The following DAB1 variants were observed in gnomAD, a reference collection of about 807,000 sequenced individuals.
The protein encoded by DAB1 is disabled homolog 1.
DAB1 carries 15 observed loss-of-function variants against 64.6 expected under a neutral mutation model. The observed-to-expected ratio is 0.23, with a 90% CI of 0.16 to 0.36. The LOEUF (loss-of-function observed/expected upper bound fraction) is 0.36, where lower values mean the gene tolerates loss of function less well. Among genes scored for constraint, DAB1 ranks in the 10% least tolerant of loss-of-function variants. The pLI, the probability that DAB1 is intolerant of heterozygous loss-of-function variation, is 1.00. For missense variants in DAB1, 596 were observed against 706.7 expected, an observed-to-expected ratio of 0.84 and a Z score of 1.78; for synonymous variants, 235 against 251.9, an observed-to-expected ratio of 0.93 and a Z score of 0.64.
Position 57,015,442 on chromosome 1 carries a change from GA to G in DAB1, c.896-12del. ...CCATTGCAACGTAACCTGGGAGAAT[GA>G]AAAAGGAGAGTCAGGTGTTTCCCTG... On this transcript the variant is annotated splice_polypyrimidine_tract_variant and intron_variant, in intron 11 of 14. Transcript: ENST00000371236. 6.3e-7 allele frequency: 1 copy of G among 1,587,716 alleles called. No individual in the cohort carries two copies. Among genetic ancestry groups the G allele is most frequent in the Non-Finnish European group, 8.6e-7 (1 of 1,167,902 alleles).
chr1:57,043,571 G>T (rs1330502562), intron 9 of DAB1, among the ~76,000 whole-genome samples: 1 of 152,210 alleles, frequency 6.6e-6, no homozygotes, highest in East Asian at 1.9e-4. Flanking sequence ...ATGAGGCCGG[G>T]CGCGGCGGCT....
At chr1:58,447,858 A>AAAC (rs1553183238) in intron 3 of DAB1, among the ~76,000 whole-genome samples, 1,130 of 37,668 alleles carry the variant, frequency 0.03, 15 homozygotes, top group African/African-American at 0.09. Flanking sequence ...TGACTTAAAC[A>AAAC]AAAAAAAAAA....
intron 5 of DAB1, among the ~76,000 whole-genome samples, chr1:57,971,923 A>G (rs1285246197): frequency 1.3e-5 from 2 of 152,220 alleles, no homozygotes; most frequent in Non-Finnish European, 2.9e-5. Context: ...CATTTCCACT[A>G]CAATATCTCC....
chr1:58,408,034 G>GTGTA (rs1272962833), intron 3 of DAB1, among the ~76,000 whole-genome samples: 2 of 152,090 alleles, frequency 1.3e-5, no homozygotes, highest in Admixed American at 6.5e-5. Flanking sequence ...GGGTCTCAAC[G>GTGTA]TGTACTCCCT....
At chr1:57,804,500 C>T (rs963254676) in intron 6 of DAB1, among the ~76,000 whole-genome samples, 3 of 152,140 alleles carry the variant, frequency 2.0e-5, no homozygotes, top group Non-Finnish European at 2.9e-5. Context: ...GAACTTCTAC[C>T]CATTACCATT....
chr1:57,870,802 A>T (rs894066571), intron 1 of DAB1, among the ~76,000 whole-genome samples: 4 of 152,132 alleles, frequency 2.6e-5, no homozygotes, highest in African/African-American at 9.6e-5. Context: ...ACAGAACCAT[A>T]TCGGTTTGTA....
intron 5 of DAB1, among the ~76,000 whole-genome samples, chr1:58,124,414 C>G (rs961923938): frequency 1.3e-5 from 2 of 152,020 alleles, no homozygotes; most frequent in South Asian, 2.1e-4. Context: ...TGGCGGCTAC[C>G]CTGGGCTGTA....
chr1:58,090,135 G>T (rs548659441), intron 5 of DAB1, among the ~76,000 whole-genome samples: 1 of 152,342 alleles, frequency 6.6e-6, no homozygotes, highest in South Asian at 2.1e-4. Context: ...AGCCAGAGGG[G>T]AGGAGAGGAG....
At chr1:57,671,110 C>G (rs968659253) in intron 6 of DAB1, among the ~76,000 whole-genome samples, 4 of 152,072 alleles carry the variant, frequency 2.6e-5, no homozygotes, top group Non-Finnish European at 4.4e-5. Context: ...CCCTGAATAG[C>G]TTCAATCCAT....
At chr1:57,503,121 G>A (rs567891707) in intron 7 of DAB1, among the ~76,000 whole-genome samples, 41 of 152,306 alleles carry the variant, frequency 2.7e-4, no homozygotes, top group Non-Finnish European at 5.4e-4. Flanking sequence ...TCCTCTTGCA[G>A]ATGAATGCTG....
intron 4 of DAB1, among the ~76,000 whole-genome samples, chr1:58,332,907 T>G (rs1663007205): frequency 6.6e-6 from 1 of 151,956 alleles, no homozygotes. Context: ...TAAAATTTTA[T>G]TTATTTATTT....
At chr1:57,168,876 C>T (rs909632138) in intron 2 of DAB1, among the ~76,000 whole-genome samples, 6 of 151,838 alleles carry the variant, frequency 4.0e-5, no homozygotes, top group Admixed American at 2.0e-4. Flanking sequence ...GGCAAAATAG[C>T]GCAACTCTCT....
chr1:57,526,985 C>A (rs565587175), intron 7 of DAB1, among the ~76,000 whole-genome samples: 4 of 152,108 alleles, frequency 2.6e-5, no homozygotes, highest in Non-Finnish European at 5.9e-5. Flanking sequence ...TTAATACTCA[C>A]CTCAACCTTG....
At chr1:57,027,223 C>T (rs1037645645) in intron 9 of DAB1, among the ~76,000 whole-genome samples, 1 of 152,126 alleles carries the variant, frequency 6.6e-6, no homozygotes. Context: ...GTGTGGAGTA[C>T]TGGTAAGATA....
intron 5 of DAB1, among the ~76,000 whole-genome samples, chr1:58,142,669 C>G (rs1407682135): frequency 6.6e-6 from 1 of 152,164 alleles, no homozygotes; most frequent in African/African-American, 2.4e-5. Flanking sequence ...TTTCTGTTCC[C>G]CTAACCTTCT....
At chr1:57,131,260 G>C (rs1435279190) in intron 4 of DAB1, among the ~76,000 whole-genome samples, 1 of 152,144 alleles carries the variant, frequency 6.6e-6, no homozygotes, top group Non-Finnish European at 1.5e-5. Flanking sequence ...TGACCAGGGT[G>C]GAACTTCATG....
At chr1:57,939,308 TATC>T (rs1384967555) in intron 5 of DAB1, among the ~76,000 whole-genome samples, 2 of 152,176 alleles carry the variant, frequency 1.3e-5, no homozygotes, top group African/African-American at 4.8e-5. Flanking sequence ...CACCTTCAAG[TATC>T]ATCACATTGG....
At chr1:57,001,728 G>A (rs928930582) in intron 14 of DAB1, among the ~76,000 whole-genome samples, 1 of 152,114 alleles carries the variant, frequency 6.6e-6, no homozygotes, top group African/African-American at 2.4e-5. Flanking sequence ...TCACATGCTG[G>A]AGTTTTCCCA....
At chr1:58,457,169 C>A (rs1457955538) in intron 3 of DAB1, among the ~76,000 whole-genome samples, 1 of 152,166 alleles carries the variant, frequency 6.6e-6, no homozygotes, top group Non-Finnish European at 1.5e-5. Context: ...TCAGAGGTCA[C>A]TCATACCAGT....
Sources: allele counts gnomAD v4.1 joint callset (sites outside exome capture counted in the v4.1 genomes callset), GRCh38; gene constraint gnomAD v4.1.1; transcripts MANE v1.5; gene names NCBI Gene and HGNC (gene_info 2026-07-23, HGNC 2026-07-21).